UBE3D: variants seen among roughly 807,000 people sequenced by gnomAD.
UBE3D encodes the protein E3 ubiquitin-protein ligase E3D.
UBE3D carries 48 observed loss-of-function variants against 49.6 expected under a neutral mutation model. That is an observed-to-expected ratio of 0.97 (90% CI 0.77 to 1.23). UBE3D has a LOEUF of 1.23. UBE3D is among the 50% of genes most tolerant of loss of function. The pLI is 0.00. For synonymous variants in UBE3D, 189 were observed against 174.2 expected, an observed-to-expected ratio of 1.08 and a Z score of -0.67; for missense variants, 452 against 468.4, an observed-to-expected ratio of 0.96 and a Z score of 0.32.
At chr6:82,896,674 C>G (rs1035685806) in intron 9 of UBE3D, among the ~76,000 whole-genome samples, 1 of 151,964 alleles carries the variant, frequency 6.6e-6, no homozygotes, top group Non-Finnish European at 1.5e-5. Flanking sequence ...TGTTATTTTA[C>G]CCTAGATAAC....
intron 2 of UBE3D, among the ~76,000 whole-genome samples, 174 bp from the exon 3 acceptor site, chr6:83,054,412 G>C (rs577306745): frequency 6.6e-6 from 1 of 152,088 alleles, no homozygotes; most frequent in Non-Finnish European, 1.5e-5. Flanking sequence ...ATATTGTGAA[G>C]TGTTTTTGAA....
At chr6:82,963,877 A>T (rs1019710902) in intron 8 of UBE3D, among the ~76,000 whole-genome samples, 12 of 152,244 alleles carry the variant, frequency 7.9e-5, no homozygotes, top group African/African-American at 2.9e-4. Flanking sequence ...ATAGGGCAGA[A>T]TCTGGAACAT....
intron 9 of UBE3D, among the ~76,000 whole-genome samples, chr6:82,940,325 T>C (rs915937593): frequency 1.3e-5 from 2 of 152,214 alleles, no homozygotes; most frequent in African/African-American, 4.8e-5. Flanking sequence ...ATCTTTCACA[T>C]CCAAATTGCT....
At chr6:82,909,860 G>A (rs1395940432) in intron 9 of UBE3D, among the ~76,000 whole-genome samples, 1 of 152,102 alleles carries the variant, frequency 6.6e-6, no homozygotes, top group African/African-American at 2.4e-5. Context: ...GCACAGTAGG[G>A]GAATGAAATT....
intron 5 of UBE3D, among the ~76,000 whole-genome samples, chr6:83,026,679 G>A (rs1270491344): frequency 6.6e-6 from 1 of 152,026 alleles, no homozygotes; most frequent in Non-Finnish European, 1.5e-5. Flanking sequence ...TTAACTTTAT[G>A]AAATGCCTAT....
chr6:83,043,264 A>G (rs1036691722), intron 4 of UBE3D, among the ~76,000 whole-genome samples: 1 of 152,212 alleles, frequency 6.6e-6, no homozygotes, highest in East Asian at 1.9e-4. Context: ...CAACTTCCAA[A>G]TGTTTTTGAA....
At chr6:83,027,883 G>T (rs1030323360) in intron 5 of UBE3D, among the ~76,000 whole-genome samples, 1 of 151,956 alleles carries the variant, frequency 6.6e-6, no homozygotes, top group Non-Finnish European at 1.5e-5. Flanking sequence ...TTTCCTCCTG[G>T]AAGTCTGATT....
chr6:82,970,536 A>C (rs1777271555), intron 8 of UBE3D, among the ~76,000 whole-genome samples: 1 of 152,164 alleles, frequency 6.6e-6, no homozygotes, highest in East Asian at 1.9e-4. Flanking sequence ...CAATGACAAT[A>C]TAGTTAAAAC....
intron 9 of UBE3D, among the ~76,000 whole-genome samples, chr6:82,944,801 T>C (rs1775283431): frequency 6.6e-6 from 1 of 152,160 alleles, no homozygotes; most frequent in Non-Finnish European, 1.5e-5. Context: ...TTGGGCCTCA[T>C]GTGAACATCA....
intron 9 of UBE3D, among the ~76,000 whole-genome samples, chr6:82,922,888 A>T (rs1192604118): frequency 1.3e-5 from 2 of 152,206 alleles, no homozygotes; most frequent in African/African-American, 4.8e-5. Flanking sequence ...CCCATCAAAA[A>T]ATGGGCAAAG....
At chr6:82,981,382 T>C (rs189667896) in intron 8 of UBE3D, among the ~76,000 whole-genome samples, 21 of 152,200 alleles carry the variant, frequency 1.4e-4, no homozygotes, top group African/African-American at 4.6e-4. Context: ...AAGAATATAA[T>C]TTATGAATGG....
At chr6:83,016,854 C>T (rs1440693696) in intron 8 of UBE3D, among the ~76,000 whole-genome samples, 2 of 152,106 alleles carry the variant, frequency 1.3e-5, no homozygotes, top group South Asian at 2.1e-4. Context: ...AAGAAGCATC[C>T]AGCACTGGAG....
intron 9 of UBE3D, among the ~76,000 whole-genome samples, chr6:82,910,684 CT>C (rs1367222025): frequency 1.3e-5 from 2 of 151,686 alleles, no homozygotes; most frequent in Non-Finnish European, 2.9e-5. Flanking sequence ...TTTTTTCTTT[CT>C]TTCACAAAAG....
At chr6:83,030,052 T>G (rs1250390204) in intron 5 of UBE3D, among the ~76,000 whole-genome samples, 1 of 152,176 alleles carries the variant, frequency 6.6e-6, no homozygotes, top group African/African-American at 2.4e-5. Context: ...AAAATACATA[T>G]AATAGATACT....
intron 9 of UBE3D, among the ~76,000 whole-genome samples, chr6:82,916,029 A>G (rs1330552437): frequency 2.0e-5 from 3 of 152,248 alleles, no homozygotes; most frequent in Non-Finnish European, 2.9e-5. Context: ...TGGCATAGTC[A>G]TAGGGACAAA....
At chr6:82,956,028 T>C (rs1476340006) in intron 9 of UBE3D, among the ~76,000 whole-genome samples, 1 of 152,196 alleles carries the variant, frequency 6.6e-6, no homozygotes, top group South Asian at 2.1e-4. Flanking sequence ...AGACAATCCA[T>C]GTAACAGATT....
intron 5 of UBE3D, among the ~76,000 whole-genome samples, chr6:83,028,950 G>A (rs1781673114): frequency 6.6e-6 from 1 of 151,994 alleles, no homozygotes; most frequent in South Asian, 2.1e-4. Flanking sequence ...GTGTCTTTTG[G>A]TTGTCATTAT....
chr6:82,949,347 A>T (rs1471074324), intron 9 of UBE3D, among the ~76,000 whole-genome samples: 6 of 152,138 alleles, frequency 3.9e-5, no homozygotes, highest in Admixed American at 3.9e-4. Flanking sequence ...ACTGTAAAAC[A>T]TTGATGCAAG....
intron 9 of UBE3D, among the ~76,000 whole-genome samples, chr6:82,900,040 CAA>C (rs1402512335): frequency 6.6e-6 from 1 of 152,134 alleles, no homozygotes; most frequent in Non-Finnish European, 1.5e-5. Flanking sequence ...ACTCACAAAT[CAA>C]AAAGTCCCTT....
Sources: allele counts gnomAD v4.1 joint callset (sites outside exome capture counted in the v4.1 genomes callset), GRCh38; gene constraint gnomAD v4.1.1; transcripts MANE v1.5; gene names NCBI Gene and HGNC (gene_info 2026-07-23, HGNC 2026-07-21).